The following ZDHHC20 variants were observed in gnomAD, a reference collection of about 807,000 sequenced individuals.
ZDHHC20 encodes zDHHC palmitoyltransferase 20, also known as palmitoyltransferase ZDHHC20.
In ZDHHC20, 43 loss-of-function variants were observed where a neutral mutation model predicts 57.8. The ratio of observed to expected loss-of-function variants is 0.74; its 90% CI spans 0.58 to 0.96. The LOEUF (loss-of-function observed/expected upper bound fraction) is 0.96, where lower values mean the gene tolerates loss of function less well. Among genes scored for constraint, ZDHHC20 ranks in the 40% least tolerant of loss-of-function variants. The pLI, the probability that ZDHHC20 is intolerant of heterozygous loss-of-function variation, is 0.00. For missense variants in ZDHHC20, 391 were observed against 441.1 expected, an observed-to-expected ratio of 0.89 and a Z score of 1.02; for synonymous variants, 157 against 153.0, an observed-to-expected ratio of 1.03 and a Z score of -0.19.
At chr13:21,378,768 CAA>C (rs751093398) in intron 11 of ZDHHC20, 30 bp from the exon 12 acceptor site, 35,508 of 670,824 alleles carry the variant, frequency 0.053, 41 homozygotes, top group African/African-American at 0.087. Context: ...TATGACATGA[CAA>C]AAAAAAAAAA....
At chr13:21,411,569 C>T (rs953542143) in intron 4 of ZDHHC20, among the ~76,000 whole-genome samples, 3 of 152,110 alleles carry the variant, frequency 2.0e-5, no homozygotes, top group Admixed American at 6.5e-5. Context: ...TTTCCCCTAC[C>T]CTTCTCCACT....
At chr13:21,380,792 A>G (rs900293234) in intron 11 of ZDHHC20, among the ~76,000 whole-genome samples, 1 of 126,984 alleles carries the variant, frequency 7.9e-6, no homozygotes, top group African/African-American at 4.5e-5. Context: ...TTCCATCTCA[A>G]AAAAAAAAAA....
chr13:21,447,104 C>T (rs966092502), intron 1 of ZDHHC20, among the ~76,000 whole-genome samples: 1 of 151,808 alleles, frequency 6.6e-6, no homozygotes, highest in Admixed American at 6.6e-5. Flanking sequence ...CAGGAAGAGA[C>T]AGGTTTACAA....
In ZDHHC20 at chr13:21,411,742, G is replaced by A. The variant is rs138636223; in HGVS notation, c.370+1910C>T. ...TTTCTAGGGTAGCTAGAAGAATGAC[G>A]GTGCCAAGGATAGAAATAGAGCTGA... is the stretch of plus-strand genomic sequence containing the variant. On this transcript the variant is annotated intron_variant, in intron 4 of 12. Transcript: ENST00000400590. 3.0e-4 allele frequency among the ~76,000 whole-genome samples: 45 copies of A among 152,266 alleles called. 1 individual carries two copies. In the East Asian group the frequency reaches 8.3e-3, roughly 28 times the overall value.
rs200121010 is a variant in ZDHHC20 at position 21,418,671 on chromosome 13, CTGT to C, written c.249+2387_249+2389del. 8.0e-3 allele frequency among the ~76,000 whole-genome samples: 1,215 copies of C among 151,692 alleles called. 19 individuals carry two copies. The highest frequency in any genetic ancestry group is 0.028 in the African/African-American group (1,162 of 41,098). ...GTTTTAGTCCAGAGTCTGTGTGGTA[CTGT>C]TGTTGTTGCTGTTGTCTGAGACAGG... is the stretch of plus-strand genomic sequence containing the variant. On this transcript the variant is annotated intron_variant, in intron 3 of 12. Coordinates refer to ENST00000400590, the MANE Select transcript of ZDHHC20 (RefSeq NM_001330059.2).
chr13:21,415,169 G>A (rs760526672), intron 3 of ZDHHC20, among the ~76,000 whole-genome samples: 3 of 152,162 alleles, frequency 2.0e-5, no homozygotes, highest in Non-Finnish European at 4.4e-5. Flanking sequence ...AGAGCTCTGA[G>A]TTGAGGAAAT....
chr13:21,385,592 T>C (rs905272319), intron 9 of ZDHHC20, among the ~76,000 whole-genome samples: 3 of 151,898 alleles, frequency 2.0e-5, no homozygotes, highest in Non-Finnish European at 2.9e-5. Flanking sequence ...ATGGACAAAA[T>C]AGCAATGACC....
chr13:21,406,911 T>C (rs1053502543), intron 4 of ZDHHC20, among the ~76,000 whole-genome samples: 2 of 152,210 alleles, frequency 1.3e-5, no homozygotes, highest in African/African-American at 4.8e-5. Context: ...ATAGGATTGC[T>C]GGGTCAAATG....
chr13:21,452,941 A>T (rs537382142), intron 1 of ZDHHC20, among the ~76,000 whole-genome samples: 3 of 152,226 alleles, frequency 2.0e-5, no homozygotes, highest in Non-Finnish European at 2.9e-5. Context: ...AGGACAGACA[A>T]TAAAACAAAA....
intron 1 of ZDHHC20, among the ~76,000 whole-genome samples, chr13:21,437,701 T>A (rs1882696946): frequency 6.6e-6 from 1 of 152,100 alleles, no homozygotes; most frequent in Non-Finnish European, 1.5e-5. Flanking sequence ...CTGAATTTTT[T>A]TTTTTTTTGA....
At chr13:21,395,069 CTTT>C (rs11335890) in intron 7 of ZDHHC20, among the ~76,000 whole-genome samples, 180 of 144,616 alleles carry the variant, frequency 1.2e-3, no homozygotes, top group African/African-American at 1.9e-3. Context: ...TAAATTCTTT[CTTT>C]TTTTTTTTTT....
intron 1 of ZDHHC20, among the ~76,000 whole-genome samples, chr13:21,433,852 T>C (rs1882265515): frequency 6.6e-6 from 1 of 152,236 alleles, no homozygotes; most frequent in South Asian, 2.1e-4. Flanking sequence ...TTTATTAGAC[T>C]TATCCCTAAA....
In ZDHHC20 at chr13:21,447,588, A is replaced by G. The variant is rs1332895791; in HGVS notation, c.118+11466T>C. On this transcript the variant is annotated intron_variant, in intron 1 of 12. Coordinates refer to ENST00000400590, the MANE Select transcript of ZDHHC20 (RefSeq NM_001330059.2). Reference sequence around the variant, plus strand: ...GGGAGTCTCGTTCACTCAGTGCTCAATGGTGCCCAGGCTGGAGTGCAGTGG... The same window carrying G: ...GGGAGTCTCGTTCACTCAGTGCTCAGTGGTGCCCAGGCTGGAGTGCAGTGG... 5.3e-3 allele frequency among the ~76,000 whole-genome samples: 763 copies of G among 144,012 alleles called. 5 individuals carry two copies. The highest frequency in any genetic ancestry group is 0.018 in the African/African-American group (726 of 39,474). The allele number at this position is 144,012 out of a possible 152,430, so 94.5% of individuals were successfully genotyped here. A position where few individuals can be genotyped will look rare whatever the true frequency, so the allele number is the denominator to read the frequency against.
chr13:21,375,392 G>A lies in ZDHHC20; in HGVS notation c.*1304C>T, dbSNP rs55877122. On this transcript the variant is annotated 3_prime_UTR_variant, in exon 13 of 13. Transcript: ENST00000400590. The stretch of plus-strand genomic sequence containing the variant: ...CTGTCTGTCTAAAAGGTGTAAATGA[G>A]GAGTGACATTTCTACATTGTTTATT... 2.5e-5 allele frequency: 8 copies of A among 313,976 alleles called. No individual in the cohort carries two copies. Among genetic ancestry groups the A allele is most frequent in the African/African-American group, 6.8e-5 (3 of 44,312 alleles). The allele number at this position is 313,976 out of a possible 1,614,324, so 19.4% of individuals were successfully genotyped here.
intron 4 of ZDHHC20, among the ~76,000 whole-genome samples, chr13:21,405,110 C>A (rs1878263652): frequency 6.6e-6 from 1 of 151,866 alleles, no homozygotes; most frequent in African/African-American, 2.4e-5. Flanking sequence ...TGTGTAGACT[C>A]AATCTTTTTT....
chr13:21,379,050 A>G (rs1412934770), intron 11 of ZDHHC20, among the ~76,000 whole-genome samples: 1 of 152,180 alleles, frequency 6.6e-6, no homozygotes, highest in Admixed American at 6.5e-5. Flanking sequence ...GGGCCTTAAT[A>G]GTATTGCCTA....
At chr13:21,445,844 A>G (rs557128547) in intron 1 of ZDHHC20, among the ~76,000 whole-genome samples, 8 of 152,310 alleles carry the variant, frequency 5.3e-5, no homozygotes, top group African/African-American at 1.9e-4. Context: ...GGGTGAGGAG[A>G]CTAAAAGACG....
At position 21,390,629 on chromosome 13, in the gene ZDHHC20, G is replaced by C. The variant is rs540056292; in HGVS notation, c.727+1093C>G. On this transcript the variant is annotated intron_variant, in intron 8 of 12. Coordinates refer to ENST00000400590, the MANE Select transcript of ZDHHC20 (RefSeq NM_001330059.2). Reference sequence around the variant, plus strand: ...AAAGAATATATATGGGCTGGGCAAGGTGACTTGCATCTGTAATCCTAGCAT... The same window carrying C: ...AAAGAATATATATGGGCTGGGCAAGCTGACTTGCATCTGTAATCCTAGCAT... 2.6e-5 allele frequency among the ~76,000 whole-genome samples: 4 copies of C among 152,300 alleles called. No homozygotes were observed. In the East Asian group the frequency reaches 7.7e-4, roughly 29 times the overall value.
chr13:21,383,325 G>A (rs973774014), intron 9 of ZDHHC20, among the ~76,000 whole-genome samples: 6 of 152,106 alleles, frequency 3.9e-5, no homozygotes, highest in African/African-American at 1.2e-4. Flanking sequence ...AAGATCTGAC[G>A]GTTTTATAAA....
Sources: gnomAD v4.1 joint callset for allele counts (sites outside exome capture counted in the v4.1 genomes callset) on GRCh38, gnomAD v4.1.1 for gene constraint, MANE v1.5 for transcripts, NCBI Gene and HGNC (gene_info 2026-07-23, HGNC 2026-07-21) for gene names.